PELI3: variants seen among roughly 807,000 people sequenced by gnomAD.
PELI3 encodes the protein pellino E3 ubiquitin protein ligase family member 3.
In PELI3, 19 loss-of-function variants were observed where a neutral mutation model predicts 35.5. That is an observed-to-expected ratio of 0.54 (90% CI 0.37 to 0.79). PELI3 has a LOEUF of 0.79. Ranked by LOEUF, PELI3 falls within the 30% of genes least tolerant of loss-of-function variation. PELI3 has a pLI of 0.00. For missense variants in PELI3, 490 were observed against 661.2 expected (o/e 0.74, Z 2.84); for synonymous variants, 262 against 279.2 (o/e 0.94, Z 0.62).
chr11:66,468,122 G>A lies in PELI3; in HGVS notation c.-1-6G>A. On this transcript the variant is annotated splice_region_variant and splice_polypyrimidine_tract_variant and intron_variant, in intron 1 of 7. Coordinates refer to ENST00000320740, the MANE Select transcript of PELI3 (RefSeq NM_145065.3). ...ACAAAGCTCTTTTCTCTCCCACTCT[G>A]CCCAGAATGGTGCTGGAAGGAAACC... The A allele has an allele frequency of 1.2e-6, 2 of 1,600,686 alleles. No individual in the cohort carries two copies. The highest frequency in any genetic ancestry group is 1.1e-5 in the South Asian group (1 of 90,158).
chr11:66,468,025 C>A, intron 1 of PELI3, 103 bp from the exon 2 acceptor site: 1 of 1,390,564 alleles, frequency 7.2e-7, no homozygotes, highest in South Asian at 1.5e-5. Context: ...GGTGAAAGGT[C>A]ACCCTTGCCT....
At chr11:66,468,015 G>C in intron 1 of PELI3, 113 bp from the exon 2 acceptor site, 1 of 1,324,316 alleles carries the variant, frequency 7.6e-7, no homozygotes, top group Non-Finnish European at 1.0e-6. Context: ...CAGTAGAGGC[G>C]GTGAAAGGTC....
Position 66,475,872 on chromosome 11 carries a change from G to A in PELI3, c.1115G>A (p.Gly372Asp). 6.2e-7 allele frequency: 1 copy of A among 1,606,210 alleles called. No homozygotes were observed. Among genetic ancestry groups the A allele is most frequent in the African/African-American group, 1.3e-5 (1 of 74,878 alleles). ...CGHVHGYHGW[G>D]CRRERGPQER... ...CACGTCCATGGCTACCACGGCTGGG[G>A]CTGCCGGCGGGAGCGGGGCCCCCAG... Residue 372 changes from glycine (G) to aspartate (D), a missense_variant, in exon 8 of 8, where the codon GGC becomes GAC. Physicochemically the swap from Gly to Asp is moderately conservative, Grantham distance 94. Around this residue, in one of 3 missense-constraint regions of PELI3, gnomAD observed 349 missense variants for 484.8 expected, o/e 0.72. Coordinates refer to ENST00000320740, the MANE Select transcript of PELI3 (RefSeq NM_145065.3).
intron 5 of PELI3, among the ~76,000 whole-genome samples, chr11:66,472,844 C>T (rs935458948): frequency 8.5e-5 from 13 of 152,194 alleles, no homozygotes; most frequent in Non-Finnish European, 1.3e-4. Flanking sequence ...ACCCACCCCA[C>T]GGGAAGATTA....
Position 66,476,441 on chromosome 11 carries a change from T to C in PELI3, c.*274T>C, listed in dbSNP as rs1854923785. On this transcript the variant is annotated 3_prime_UTR_variant, in exon 8 of 8. Coordinates refer to ENST00000320740, the MANE Select transcript of PELI3 (RefSeq NM_145065.3). Reference sequence around the variant, plus strand: ...CCATGGCCTTGCCCTTCCTGGGGCATCCCACATCGTGCCGCCGACACTGTG... The same window carrying C: ...CCATGGCCTTGCCCTTCCTGGGGCACCCCACATCGTGCCGCCGACACTGTG... 4.0e-6 allele frequency: 2 copies of C among 506,048 alleles called. No individual in the cohort carries two copies. The highest frequency in any genetic ancestry group is 5.3e-5 in the South Asian group (2 of 37,508). 31.3% of individuals were successfully genotyped at this position (506,048 alleles called of 1,614,324 possible). A position where few individuals can be genotyped will look rare whatever the true frequency, so the allele number is the denominator to read the frequency against.
Position 66,476,209 on chromosome 11 carries a change from A to T in PELI3, c.*42A>T. 1 of 1,506,346 alleles carries T rather than the reference A, an allele frequency of 6.6e-7. No individual in the cohort carries two copies. The highest frequency in any genetic ancestry group is 1.4e-5 in the African/African-American group (1 of 72,144). The allele number at this position is 1,506,346 out of a possible 1,614,324, so 93.3% of individuals were successfully genotyped here. A position where few individuals can be genotyped will look rare whatever the true frequency, so the allele number is the denominator to read the frequency against. On this transcript the variant is annotated 3_prime_UTR_variant, in exon 8 of 8. Coordinates refer to ENST00000320740, the MANE Select transcript of PELI3 (RefSeq NM_145065.3). Reference sequence around the variant, plus strand: ...TGCTGCTGTGCCCACCTGCCCACCCAGGTCCCCACCTCCTGCAGCCCAGAG... The same window carrying T: ...TGCTGCTGTGCCCACCTGCCCACCCTGGTCCCCACCTCCTGCAGCCCAGAG...
Position 66,475,799 on chromosome 11 carries a change from C to T in PELI3, c.1042C>T (p.Arg348Cys), listed in dbSNP as rs201923086. 194 of 1,608,274 alleles carry T rather than the reference C, an allele frequency of 1.2e-4. No individual in the cohort carries two copies. The highest frequency in any genetic ancestry group is 1.4e-4 in the Non-Finnish European group (169 of 1,178,348). The change falls in exon 8 of 8, where the codon CGC becomes TGC. Residue 348 changes from arginine (R) to cysteine (C), a missense_variant. By Grantham distance (180) the Arg-to-Cys change is radical. This residue lies in a region of PELI3 where 349 missense variants were observed against 484.8 expected (regional missense o/e 0.72). Coordinates refer to ENST00000320740, the MANE Select transcript of PELI3 (RefSeq NM_145065.3). ...TLAFPSPARGRTAPDKQQPWV... is the reference protein window; with the variant it reads ...TLAFPSPARGCTAPDKQQPWV... ...GGCCTTCCCCAGCCCAGCCCGTGGC[C>T]GCACAGCGCCCGACAAACAGCAGCC...
In PELI3 at chr11:66,475,844, G is replaced by A. The variant is rs773185677; in HGVS notation, c.1087G>A (p.Gly363Arg). The A allele has an allele frequency of 3.7e-6, 6 of 1,606,786 alleles. No homozygotes were observed. The highest frequency in any genetic ancestry group is 2.7e-5 in the African/African-American group (2 of 74,826). The change falls in exon 8 of 8, where the codon GGG (glycine) becomes AGG (arginine). Residue 363 changes from glycine (G) to arginine (R), a missense_variant. This residue lies in a region of PELI3 where 349 missense variants were observed against 484.8 expected (regional missense o/e 0.72). Coordinates refer to ENST00000320740, the MANE Select transcript of PELI3 (RefSeq NM_145065.3). ...GCAGCCCTGGGTCTACGTCCGCTGC[G>A]GGCACGTCCATGGCTACCACGGCTG... ...KQQPWVYVRC[G>R]HVHGYHGWGC...
rs1854958321 is a variant in PELI3 at position 66,477,318 on chromosome 11, T to C, written c.*1151T>C. On this transcript the variant is annotated 3_prime_UTR_variant, in exon 8 of 8. Transcript: ENST00000320740. Reference sequence around the variant, plus strand: ...GCTGATGATGATAATAATAACTACGTCCATTGAGCACTCTCCAGACACCGG... The same window carrying C: ...GCTGATGATGATAATAATAACTACGCCCATTGAGCACTCTCCAGACACCGG... The C allele has an allele frequency of 6.6e-6, 1 of 152,048 alleles. No individual in the cohort carries two copies. Among genetic ancestry groups the C allele is most frequent in the African/African-American group, 2.4e-5 (1 of 41,372 alleles). The allele number at this position is 152,048 out of a possible 1,614,324, so 9.4% of individuals were successfully genotyped here.
At chr11:66,470,345 G>A (rs1326124962) in intron 3 of PELI3, among the ~76,000 whole-genome samples, 1 of 152,160 alleles carries the variant, frequency 6.6e-6, no homozygotes, top group Non-Finnish European at 1.5e-5. Flanking sequence ...CTTTGCTTAG[G>A]GTGAGCCTCC....
At chr11:66,474,176 C>T in intron 7 of PELI3, 4 of 667,610 alleles carry the variant, frequency 6.0e-6, no homozygotes, top group Non-Finnish European at 1.1e-5. Context: ...GCGATCAAGG[C>T]ACACACAGAC....
intron 3 of PELI3, among the ~76,000 whole-genome samples, chr11:66,469,883 T>C (rs1590717440): frequency 6.9e-6 from 1 of 144,090 alleles, no homozygotes; most frequent in Non-Finnish European, 1.5e-5. Context: ...CACTGCAACC[T>C]CCACCTCCTG....
At position 66,473,624 on chromosome 11, in the gene PELI3, C is replaced by T. The variant is rs2134696234; in HGVS notation, c.652-113C>T. 1 of 1,422,364 alleles carries T rather than the reference C, an allele frequency of 7.0e-7. No homozygotes were observed. Among genetic ancestry groups the T allele is most frequent in the East Asian group, 2.4e-5 (1 of 42,182 alleles). 88.1% of individuals were successfully genotyped at this position (1,422,364 alleles called of 1,614,324 possible). On this transcript the variant is annotated intron_variant, in intron 6 of 7. Transcript: ENST00000320740. This position sits in a 1 kb window ranked among gnomAD's most constrained non-coding sequence, Gnocchi z 5.8. ...ACGCTCAAGTCATGCAGCTTCAATG[C>T]CAGTCCTCTCTGGGCCGCCTCTGAA...
At chr11:66,472,239 C>T (rs1386953553) in intron 4 of PELI3, 130 bp from the exon 5 acceptor site, 5 of 667,676 alleles carry the variant, frequency 7.5e-6, no homozygotes, top group Non-Finnish European at 8.2e-6. Flanking sequence ...GCACTGTCCA[C>T]CCTCTGAGAA....
At position 66,467,870 on chromosome 11, in the gene PELI3, C is replaced by G. The variant is rs137920172; in HGVS notation, c.-1-258C>G. ...GACTGGGATCTTGGCCAAAAAGCAGCCTCTGGCCACCCCAAGTTGGTCCAT... is the reference window on the plus strand; with the variant it reads ...GACTGGGATCTTGGCCAAAAAGCAGGCTCTGGCCACCCCAAGTTGGTCCAT... On this transcript the variant is annotated intron_variant, in intron 1 of 7. Coordinates refer to ENST00000320740, the MANE Select transcript of PELI3 (RefSeq NM_145065.3). The surrounding 1 kb of genome is among the most constrained non-coding windows in gnomAD (Gnocchi z 4.2). 5.4e-3 allele frequency among the ~76,000 whole-genome samples: 827 copies of G among 152,312 alleles called. 6 individuals are homozygous for G. The highest frequency in any genetic ancestry group is 0.019 in the African/African-American group (796 of 41,568).
chr11:66,472,444 C>A lies in PELI3; in HGVS notation c.430C>A (p.His144Asn), dbSNP rs1276320327. Residue 144 changes from histidine to asparagine, a missense_variant, in exon 5 of 8, where the codon CAT (histidine) becomes AAT (asparagine). Coordinates refer to ENST00000320740, the MANE Select transcript of PELI3 (RefSeq NM_145065.3). The stretch of plus-strand genomic sequence containing the variant: ...CCACTCGGTCATAGTGGAGTATACA[C>A]ATGATAGCGACACAGACATGTTCCA... ...RSHSVIVEYT[H>N]DSDTDMFQIG... 2 of 1,613,966 alleles carry A rather than the reference C, an allele frequency of 1.2e-6. No individual in the cohort carries two copies. Among genetic ancestry groups the A allele is most frequent in the Non-Finnish European group, 1.7e-6 (2 of 1,179,950 alleles).
rs745415704 is a variant in PELI3, at chr11:66,471,356, G to A, written c.339G>A (p.Thr113=). 4.2e-5 allele frequency: 68 copies of A among 1,613,750 alleles called. No homozygotes were observed. The highest frequency in any genetic ancestry group is 1.6e-4 in the Middle Eastern group (1 of 6,084). The part of the protein sequence containing the change: ...VKPDVMHHIS[T]PLVSKALSNR... ...CAGACGTCATGCACCACATCTCCAC[G>A]CCGCTCGTCTCCAAGGCAAGCAACT... The change falls in exon 4 of 8, where the codon ACG becomes ACA. Residue 113 remains threonine (T), a synonymous_variant. Coordinates refer to ENST00000320740, the MANE Select transcript of PELI3 (RefSeq NM_145065.3).
chr11:66,473,387 C>T lies in PELI3; in HGVS notation c.603C>T (p.Ala201=), dbSNP rs1192010509. The change falls in exon 6 of 8, where the codon GCC becomes GCT. Residue 201 remains alanine, a synonymous_variant. Transcript: ENST00000320740. The surrounding 1 kb of genome is among the most constrained non-coding windows in gnomAD (Gnocchi z 5.8). ...GTGACCGCCGGCCACCCTATACTGC[C>T]CGCATCTATGCCGCTGGCTTCGATG... ...ILCDRRPPYT[A]RIYAAGFDAS... 1.8e-5 allele frequency: 29 copies of T among 1,613,686 alleles called. No individual in the cohort carries two copies. Among genetic ancestry groups the T allele is most frequent in the African/African-American group, 4.0e-5 (3 of 75,064 alleles).
intron 7 of PELI3, 195 bp downstream of exon 7, chr11:66,474,120 G>A: frequency 2.6e-6 from 2 of 756,746 alleles, no homozygotes; most frequent in Non-Finnish European, 4.6e-6. Flanking sequence ...GACAGACCAG[G>A]GTCCCCAAGC....
Sources: gnomAD v4.1 joint callset for allele counts (sites outside exome capture counted in the v4.1 genomes callset) on GRCh38, gnomAD v4.1.1 for gene constraint, gnomAD v4.1.1 regional missense constraint, Gnocchi (gnomAD v3.1) non-coding constraint, MANE v1.5 for transcripts, NCBI Gene and HGNC (gene_info 2026-07-23, HGNC 2026-07-21) for gene names.